DMBT1: variants seen among roughly 807,000 people sequenced by gnomAD.
The protein encoded by DMBT1 is deleted in malignant brain tumors 1, also known as scavenger receptor cysteine-rich domain-containing protein DMBT1.
In DMBT1, 198 loss-of-function variants were observed where a neutral mutation model predicts 252.9. The observed-to-expected ratio is 0.78, with a 90% CI of 0.70 to 0.88. DMBT1 has a LOEUF of 0.88. Ranked by LOEUF, DMBT1 falls within the 40% of genes least tolerant of loss-of-function variation. The pLI, the probability that DMBT1 is intolerant of heterozygous loss-of-function variation, is 0.00. For missense variants in DMBT1, 2,432 were observed against 2,404.7 expected (o/e 1.01, Z -0.24); for synonymous variants, 990 against 942.7 (o/e 1.05, Z -0.92).
chr10:122,625,241 C>T lies in DMBT1; in HGVS notation c.5609-36C>T, dbSNP rs531696209. On this transcript the variant is annotated intron_variant, in intron 44 of 55. Transcript: ENST00000338354. ...TTTCTCTCGCTCATCATCCTGGGCACTGGGACTGACTCATGTTTTCTTCTT... is the reference window on the plus strand; with the variant it reads ...TTTCTCTCGCTCATCATCCTGGGCATTGGGACTGACTCATGTTTTCTTCTT... The T allele has an allele frequency of 6.2e-6, 10 of 1,604,886 alleles. No individual in the cohort carries two copies. The Admixed American group carries it at 1.5e-4, about 24-fold the overall frequency.
At chr10:122,619,035 A>G (rs1400317402) in intron 41 of DMBT1, among the ~76,000 whole-genome samples, 6 of 152,170 alleles carry the variant, frequency 3.9e-5, no homozygotes, top group African/African-American at 1.4e-4. Flanking sequence ...AACTGCCAAA[A>G]CATCCAAGGG....
At chr10:122,628,973 T>A (rs12784823) in intron 46 of DMBT1, among the ~76,000 whole-genome samples, 10,723 of 152,094 alleles carry the variant, frequency 0.071, 439 homozygotes, top group South Asian at 0.14. Context: ...AAACAAAGAG[T>A]TATGAAAAAG....
rs1416832916 is a variant in DMBT1 at position 122,585,369 on chromosome 10, T to C, written c.1459+60T>C. On this transcript the variant is annotated intron_variant, in intron 15 of 55. Coordinates refer to ENST00000338354, the MANE Select transcript of DMBT1 (RefSeq NM_001377530.1). The stretch of plus-strand genomic sequence containing the variant: ...TCTCTACCTCTGGACAAATGTTTTT[T>C]TCTGAAATGATAGGATGAGGGTCAA... 3.2e-6 allele frequency: 5 copies of C among 1,549,332 alleles called. 1 individual carries two copies. The highest frequency in any genetic ancestry group is 1.7e-5 in the Admixed American group (1 of 59,014).
rs370301704 is a variant in DMBT1, at chr10:122,601,007, A to C, written c.3327A>C (p.Ser1109=). 6 of 950,372 alleles carry C rather than the reference A, an allele frequency of 6.3e-6. No individual in the cohort carries two copies. Among genetic ancestry groups the C allele is most frequent in the South Asian group, 1.4e-5 (1 of 73,058 alleles). The allele number at this position is 950,372 out of a possible 1,614,324, so 58.9% of individuals were successfully genotyped here. The change falls in exon 28 of 56, where the codon TCA becomes TCC. Residue 1109 remains serine, a synonymous_variant. Coordinates refer to ENST00000338354, the MANE Select transcript of DMBT1 (RefSeq NM_001377530.1). ...PTPSPDTWPT[S]HASTAGSESS... ...AATTTACAGACACTTGGCCAACCTC[A>C]CATGCATCAACAGCAGGTAAATAAT...
intron 52 of DMBT1, among the ~76,000 whole-genome samples, chr10:122,634,119 C>T (rs2098189870): frequency 6.6e-6 from 1 of 152,128 alleles, no homozygotes; most frequent in Non-Finnish European, 1.5e-5. Context: ...GCTTGTGGAA[C>T]AAAACGAGAC....
rs567136538 is a variant in DMBT1 at position 122,622,645 on chromosome 10, TTTGA to T, written c.5608+1270_5608+1273del. ...TCTGGCTGACAAGGCCTGGGAGGAC[TTTGA>T]TTGACCTGCTTGTAAACAGGTGCTT... On this transcript the variant is annotated intron_variant, in intron 44 of 55. Transcript: ENST00000338354. Among the ~76,000 whole-genome samples the T allele has an allele frequency of 8.5e-5, 13 of 152,336 alleles. No individual in the cohort carries two copies. In the South Asian group the frequency reaches 2.5e-3, roughly 29 times the overall value.
At position 122,631,126 on chromosome 10, in the gene DMBT1, C is replaced by T. The variant is rs753874660; in HGVS notation, c.6191C>T (p.Ala2064Val). The T allele has an allele frequency of 6.8e-6, 11 of 1,613,856 alleles. No individual in the cohort carries two copies. Among genetic ancestry groups the T allele is most frequent in the Non-Finnish European group, 9.3e-6 (11 of 1,179,906 alleles). Residue 2064 changes from alanine to valine, a missense_variant, in exon 49 of 56, where the codon GCC becomes GTC. By Grantham distance (64) the Ala-to-Val change is moderately conservative. Transcript: ENST00000338354. ...RQLGCGRAVS[A>V]LGNAYFGSGS... ...CTAGGGTGTGGACGTGCAGTTTCAG[C>T]CCTTGGAAATGCATATTTTGGCTCT...
In DMBT1 at chr10:122,600,605, C is replaced by T. The variant is rs534224622; in HGVS notation, c.3311-386C>T. Among the ~76,000 whole-genome samples the T allele has an allele frequency of 1.6e-3, 239 of 152,272 alleles. 2 individuals carry two copies. Among genetic ancestry groups the T allele is most frequent in the African/African-American group, 5.3e-3 (221 of 41,572 alleles). On this transcript the variant is annotated intron_variant, in intron 27 of 55. Transcript: ENST00000338354. ...AAGGTTTGTGATGTCACTGCTTAAC[C>T]AGAAACCTGATTCCTGATTGTCCCC...
In DMBT1 at chr10:122,592,323, A is replaced by G. The variant is rs1175977358; in HGVS notation, c.2228A>G (p.Gln743Arg). ...CTGGTGAATGGAAGTGACAGGTGTCAGGGCCGAGTAGAGGTCCTATACCGA... is the reference window on the plus strand; with the variant it reads ...CTGGTGAATGGAAGTGACAGGTGTCGGGGCCGAGTAGAGGTCCTATACCGA... ...LRLVNGSDRC[Q>R]GRVEVLYRGS... The change falls in exon 20 of 56, where the codon CAG (glutamine) becomes CGG (arginine). Residue 743 changes from glutamine (Q) to arginine (R), a missense_variant. Gln to Arg is a conservative substitution (Grantham distance 43). Around this residue, in one of 3 missense-constraint regions of DMBT1, gnomAD observed 1,264 missense variants for 1,082.2 expected, o/e 1.17. Transcript: ENST00000338354. 4 of 1,587,874 alleles carry G rather than the reference A, an allele frequency of 2.5e-6. No homozygotes were observed. The African/African-American group carries it at 5.4e-5, about 21-fold the overall frequency.
rs749665828 is a variant in DMBT1 at position 122,589,301 on chromosome 10, G to A, written c.2107+34G>A. On this transcript the variant is annotated intron_variant, in intron 17 of 55. Coordinates refer to ENST00000338354, the MANE Select transcript of DMBT1 (RefSeq NM_001377530.1). ...CCAGCAATTTTGGTTTCCTCTCTTGGGGTAGATTTTGCCCAGGAAGAGAGG... is the reference window on the plus strand; with the variant it reads ...CCAGCAATTTTGGTTTCCTCTCTTGAGGTAGATTTTGCCCAGGAAGAGAGG... 1 of 1,587,422 alleles carries A rather than the reference G, an allele frequency of 6.3e-7. No individual in the cohort carries two copies. The highest frequency in any genetic ancestry group is 8.6e-7 in the Non-Finnish European group (1 of 1,165,298).
chr10:122,600,286 G>T (rs2097934862), intron 27 of DMBT1, among the ~76,000 whole-genome samples, 193 bp downstream of exon 27: 1 of 151,230 alleles, frequency 6.6e-6, no homozygotes, highest in African/African-American at 2.5e-5. Context: ...GGAGGCCTCT[G>T]TCTTCTTTTC....
At chr10:122,589,607 A>G (rs2097828727) in intron 17 of DMBT1, among the ~76,000 whole-genome samples, 1 of 148,394 alleles carries the variant, frequency 6.7e-6, no homozygotes, top group Non-Finnish European at 1.5e-5. Flanking sequence ...AAAGAGGCAG[A>G]TTTGGGTCTT....
At chr10:122,569,940 G>A (rs547574648) in intron 2 of DMBT1, among the ~76,000 whole-genome samples, 24 of 152,272 alleles carry the variant, frequency 1.6e-4, no homozygotes, top group African/African-American at 5.8e-4. Flanking sequence ...CAGCAGAGGA[G>A]GTGTGGGGAG....
intron 54 of DMBT1, among the ~76,000 whole-genome samples, chr10:122,637,539 CAG>C (rs2098237000): frequency 6.6e-6 from 1 of 152,192 alleles, no homozygotes. Flanking sequence ...CTGTGTCCAG[CAG>C]AGAGGGCTTC....
intron 27 of DMBT1, among the ~76,000 whole-genome samples, chr10:122,600,505 A>G (rs1429480639): frequency 6.6e-6 from 1 of 152,230 alleles, no homozygotes. Flanking sequence ...TGCTGGAAAC[A>G]TTCCGAGATT....
chr10:122,588,657 C>A (rs528024738), intron 16 of DMBT1, among the ~76,000 whole-genome samples: 1 of 149,156 alleles, frequency 6.7e-6, no homozygotes, highest in African/African-American at 2.4e-5. Context: ...AGCTGTGGAG[C>A]TCCATCCTGT....
At position 122,635,994 on chromosome 10, in the gene DMBT1, T is replaced by G; in HGVS notation, c.6552T>G (p.Leu2184=). The G allele has an allele frequency of 6.2e-7, 1 of 1,613,940 alleles. No homozygotes were observed. Among genetic ancestry groups the G allele is most frequent in the Non-Finnish European group, 8.5e-7 (1 of 1,179,882 alleles). Residue 2184 remains leucine (L), a synonymous_variant, in exon 53 of 56, where the codon CTT becomes CTG. Coordinates refer to ENST00000338354, the MANE Select transcript of DMBT1 (RefSeq NM_001377530.1). ...RVTVIFRDVQ[L]EGGCNYDYIE... is the part of the protein sequence containing the mutation. ...ATGGTGTGTCCTCTCTCTGCAGGCT[T>G]GAAGGTGGCTGCAACTATGATTATA...
At position 122,566,004 on chromosome 10, in the gene DMBT1, C is replaced by T; in HGVS notation, c.91+8C>T. On this transcript the variant is annotated splice_region_variant and intron_variant, in intron 2 of 55. Coordinates refer to ENST00000338354, the MANE Select transcript of DMBT1 (RefSeq NM_001377530.1). ...CAAGGACTACAGACTACGGTAAGACCTTTTCTTCACTCCTCTTCCCTGGTG... is the reference window on the plus strand; with the variant it reads ...CAAGGACTACAGACTACGGTAAGACTTTTTCTTCACTCCTCTTCCCTGGTG... 2 of 1,613,852 alleles carry T rather than the reference C, an allele frequency of 1.2e-6. No individual in the cohort carries two copies. The highest frequency in any genetic ancestry group is 1.7e-6 in the Non-Finnish European group (2 of 1,179,764).
intron 17 of DMBT1, 106 bp downstream of exon 17, chr10:122,589,373 T>C: frequency 6.7e-7 from 1 of 1,494,476 alleles, no homozygotes; most frequent in South Asian, 1.3e-5. Context: ...ACCTTTCCTA[T>C]GTTTCTGATA....
Sources: gnomAD v4.1 joint callset for allele counts (sites outside exome capture counted in the v4.1 genomes callset) on GRCh38, gnomAD v4.1.1 for gene constraint, gnomAD v4.1.1 regional missense constraint, MANE v1.5 for transcripts, NCBI Gene and HGNC (gene_info 2026-07-23, HGNC 2026-07-21) for gene names.